RAB6B: variants seen among roughly 807,000 people sequenced by gnomAD.
The protein encoded by RAB6B is ras-related protein Rab-6B.
A neutral mutation model predicts 31.2 loss-of-function variants in RAB6B; 7 were observed. The ratio of observed to expected loss-of-function variants is 0.22; its 90% CI spans 0.13 to 0.42. The LOEUF (loss-of-function observed/expected upper bound fraction) is 0.42. Among genes scored for constraint, RAB6B ranks in the 10% least tolerant of loss-of-function variants. The pLI, the probability that RAB6B is intolerant of heterozygous loss-of-function variation, is 1.00. For synonymous variants in RAB6B, 105 were observed against 104.9 expected (o/e 1.00, Z -0.01); for missense variants, 149 against 280.6 (o/e 0.53, Z 3.35).
At chr3:133,836,702 G>T (rs1559900180) in intron 6 of RAB6B, among the ~76,000 whole-genome samples, 1 of 152,020 alleles carries the variant, frequency 6.6e-6, no homozygotes, top group Non-Finnish European at 1.5e-5. Flanking sequence ...AAGAGTAGCA[G>T]CCCAGTCTCT....
At chr3:133,888,296 G>A (rs10212397) in intron 1 of RAB6B, among the ~76,000 whole-genome samples, 18,506 of 152,276 alleles carry the variant, frequency 0.12, 1,412 homozygotes, top group Non-Finnish European at 0.15. Flanking sequence ...TCCCACATCC[G>A]TCACAGGGTG....
rs1485059987 is a variant in RAB6B, at chr3:133,825,717, G to A, written c.*3071C>T. On this transcript the variant is annotated 3_prime_UTR_variant, in exon 8 of 8. Transcript: ENST00000285208. ...CTTTCCTGATGCCTGCAGAACAGGA[G>A]CTTTGTTGATAAGCTTTTAAGATTC... 1.3e-5 allele frequency: 2 copies of A among 152,174 alleles called. No individual in the cohort carries two copies. Among genetic ancestry groups the A allele is most frequent in the Non-Finnish European group, 2.9e-5 (2 of 68,042 alleles). 9.4% of individuals were successfully genotyped at this position (152,174 alleles called of 1,614,324 possible). A position where few individuals can be genotyped will look rare whatever the true frequency, so the allele number is the denominator to read the frequency against.
At chr3:133,893,622 G>T (rs948082264) in intron 1 of RAB6B, among the ~76,000 whole-genome samples, 1 of 152,164 alleles carries the variant, frequency 6.6e-6, no homozygotes, top group Admixed American at 6.5e-5. Flanking sequence ...CCTACCAGGG[G>T]CCAGGCACTT....
rs1936031834 is a variant in RAB6B, at chr3:133,853,564, T to C, written c.129+11020A>G. Among the ~76,000 whole-genome samples the C allele has an allele frequency of 1.3e-5, 2 of 151,866 alleles. 1 individual carries two copies. Among genetic ancestry groups the C allele is most frequent in the South Asian group, 4.2e-4 (2 of 4,796 alleles). On this transcript the variant is annotated intron_variant, in intron 2 of 7. Coordinates refer to ENST00000285208, the MANE Select transcript of RAB6B (RefSeq NM_016577.4). ...GCACCCTGCCCCAGGGGAATGGCCATGCAGCTGGCAGAGTGCCCCACTCAA... is the reference window on the plus strand; with the variant it reads ...GCACCCTGCCCCAGGGGAATGGCCACGCAGCTGGCAGAGTGCCCCACTCAA...
chr3:133,888,064 C>T (rs1936576798), intron 1 of RAB6B, among the ~76,000 whole-genome samples: 1 of 152,242 alleles, frequency 6.6e-6, no homozygotes, highest in Non-Finnish European at 1.5e-5. Flanking sequence ...CCCCACGAGT[C>T]ATGCACAGCA....
At chr3:133,852,538 A>G (rs1007207297) in intron 2 of RAB6B, among the ~76,000 whole-genome samples, 2 of 150,094 alleles carry the variant, frequency 1.3e-5, no homozygotes, top group Admixed American at 6.7e-5. Flanking sequence ...TGGCATGAAC[A>G]CAGATCCCTG....
chr3:133,865,941 G>A (rs1936231895), intron 1 of RAB6B, among the ~76,000 whole-genome samples: 1 of 152,234 alleles, frequency 6.6e-6, no homozygotes, highest in Non-Finnish European at 1.5e-5. Context: ...GCTAAATTCA[G>A]AAGACCCCAT....
Position 133,841,610 on chromosome 3 carries a change from C to T in RAB6B, c.183G>A (p.Thr61=), listed in dbSNP as rs781188763. Residue 61 remains threonine (T), a splice_region_variant and synonymous_variant, in exon 3 of 8, where the codon ACG becomes ACA. Coordinates refer to ENST00000285208, the MANE Select transcript of RAB6B (RefSeq NM_016577.4). ...LSKTMYLEDR[T]VRLQLWDTAG... ...CCCAGTCCTGATATTAGGTGCTCAC[C>T]GTGCGGTCCTCCAAGTACATGGTTT... 11 of 1,613,818 alleles carry T rather than the reference C, an allele frequency of 6.8e-6. No homozygotes were observed. Among genetic ancestry groups the T allele is most frequent in the South Asian group, 1.1e-5 (1 of 91,028 alleles).
At chr3:133,831,182 TTGTTAAAAATACGTCTCAC>T (rs1935651305) in intron 7 of RAB6B, among the ~76,000 whole-genome samples, 1 of 152,258 alleles carries the variant, frequency 6.6e-6, no homozygotes, top group Non-Finnish European at 1.5e-5. Flanking sequence ...TCTGGGATGT[TTGTTAAAAATACGTCTCAC>T]TGGGTCCTAC....
chr3:133,871,846 G>C (rs1368043576), intron 1 of RAB6B, among the ~76,000 whole-genome samples: 1 of 152,216 alleles, frequency 6.6e-6, no homozygotes, highest in Non-Finnish European at 1.5e-5. Flanking sequence ...GTCTGCTCTC[G>C]GCTGTGCATC....
chr3:133,885,618 C>A, intron 1 of RAB6B: 3 of 702,978 alleles, frequency 4.3e-6, no homozygotes, highest in Non-Finnish European at 5.2e-6. Flanking sequence ...TGCCAGCAGT[C>A]CCGCAGAACA....
In RAB6B at chr3:133,863,412, T is replaced by C. The variant is rs566303575; in HGVS notation, c.129+1172A>G. Among the ~76,000 whole-genome samples the C allele has an allele frequency of 7.9e-5, 12 of 152,334 alleles. No individual in the cohort carries two copies. In the South Asian group the frequency reaches 2.3e-3, roughly 29 times the overall value. ...CAGAGCTGCAGTCTGCAGTGAGCTG[T>C]GCTCCACATACTCTGTAAATCCAGA... On this transcript the variant is annotated intron_variant, in intron 2 of 7. Transcript: ENST00000285208.
rs1935529566 is a variant in RAB6B at position 133,824,741 on chromosome 3, TCTCA to T, written c.*4043_*4046del. 1 of 152,026 alleles carries T rather than the reference TCTCA, an allele frequency of 6.6e-6. No individual in the cohort carries two copies. The highest frequency in any genetic ancestry group is 1.5e-5 in the Non-Finnish European group (1 of 68,024). 9.4% of individuals were successfully genotyped at this position (152,026 alleles called of 1,614,324 possible). A position where few individuals can be genotyped will look rare whatever the true frequency, so the allele number is the denominator to read the frequency against. ...GAGGAGCCCAAAATACCACCAATAT[TCTCA>T]CTCATATGCTGGGAAGAACCTAGTG... is the stretch of plus-strand genomic sequence containing the variant. On this transcript the variant is annotated 3_prime_UTR_variant, in exon 8 of 8. Coordinates refer to ENST00000285208, the MANE Select transcript of RAB6B (RefSeq NM_016577.4).
chr3:133,864,447 A>G (rs1936207020), intron 2 of RAB6B, 137 bp downstream of exon 2: 1 of 820,406 alleles, frequency 1.2e-6, no homozygotes, highest in South Asian at 1.5e-5. Context: ...GGGCCAGTAT[A>G]GAGGTGGGAA....
chr3:133,839,326 G>C (rs1298405683), intron 5 of RAB6B, among the ~76,000 whole-genome samples, 180 bp downstream of exon 5: 2 of 152,338 alleles, frequency 1.3e-5, no homozygotes, highest in East Asian at 3.9e-4. Context: ...TCACAGATGA[G>C]ATACCCATGG....
intron 2 of RAB6B, among the ~76,000 whole-genome samples, chr3:133,861,114 T>C (rs1416898904): frequency 6.6e-6 from 1 of 152,218 alleles, no homozygotes; most frequent in Non-Finnish European, 1.5e-5. Context: ...AGACCAGGCC[T>C]GCAGAAGGGG....
At chr3:133,849,357 TCAGA>T (rs1021862721) in intron 2 of RAB6B, among the ~76,000 whole-genome samples, 1 of 152,174 alleles carries the variant, frequency 6.6e-6, no homozygotes, top group Non-Finnish European at 1.5e-5. Context: ...TGAGCTCCAC[TCAGA>T]CAGACAGAAT....
chr3:133,889,027 C>T (rs1240793215), intron 1 of RAB6B, among the ~76,000 whole-genome samples: 9 of 152,156 alleles, frequency 5.9e-5, no homozygotes, highest in African/African-American at 7.2e-5. Flanking sequence ...GAATGGCAGA[C>T]GCAGAGAAAA....
intron 2 of RAB6B, 73 bp from the exon 3 acceptor site, chr3:133,841,736 G>A (rs139160896): frequency 0.014 from 21,122 of 1,488,920 alleles, 263 homozygotes; most frequent in Non-Finnish European, 0.015. Flanking sequence ...AGCGACCACA[G>A]GTGGTGGCAT....
Sources: gnomAD v4.1 joint callset for allele counts (sites outside exome capture counted in the v4.1 genomes callset) on GRCh38, gnomAD v4.1.1 for gene constraint, MANE v1.5 for transcripts, NCBI Gene and HGNC (gene_info 2026-07-23, HGNC 2026-07-21) for gene names.